NCKAP5: variants seen among roughly 807,000 people sequenced by gnomAD.
NCKAP5 encodes the protein nck-associated protein 5.
A neutral mutation model predicts 167.0 loss-of-function variants in NCKAP5; 92 were observed. The ratio of observed to expected loss-of-function variants is 0.55; its 90% CI spans 0.47 to 0.66. NCKAP5 has a LOEUF of 0.66. NCKAP5 is among the 30% of genes least tolerant of loss of function. The pLI, the probability that NCKAP5 is intolerant of heterozygous loss-of-function variation, is 0.00. For synonymous variants in NCKAP5, 891 were observed against 877.4 expected (o/e 1.02, Z -0.27); for missense variants, 2,378 against 2,315.0 (o/e 1.03, Z -0.56).
intron 4 of NCKAP5, among the ~76,000 whole-genome samples, chr2:133,249,401 C>T (rs140365424): frequency 6.6e-6 from 1 of 152,264 alleles, no homozygotes; most frequent in East Asian, 1.9e-4. Context: ...GTTAAATTCT[C>T]CCTGAGAACC....
chr2:132,759,160 C>G (rs529171107), intron 16 of NCKAP5, among the ~76,000 whole-genome samples: 2 of 152,060 alleles, frequency 1.3e-5, no homozygotes, highest in South Asian at 4.2e-4. Flanking sequence ...ATGAATCTAT[C>G]ATGGTACTTG....
the NCKAP5 span, among the ~76,000 whole-genome samples, chr2:133,575,094 G>A: frequency 6.6e-6 from 1 of 152,176 alleles, no homozygotes; most frequent in Non-Finnish European, 1.5e-5. Flanking sequence ...CTCAGGCAAA[G>A]CCCACTGTGG....
At chr2:133,208,389 G>A (rs2086057091) in intron 5 of NCKAP5, among the ~76,000 whole-genome samples, 1 of 152,102 alleles carries the variant, frequency 6.6e-6, no homozygotes, top group African/African-American at 2.4e-5. Context: ...TTTTGATATG[G>A]TGTGATAAAA....
intron 18 of NCKAP5, among the ~76,000 whole-genome samples, chr2:132,726,503 A>C (rs541836438): frequency 6.6e-6 from 1 of 151,774 alleles, no homozygotes; most frequent in Non-Finnish European, 1.5e-5. Flanking sequence ...CAGGAGCGCA[A>C]CTCCTATGTG....
At chr2:133,579,446 A>G in the NCKAP5 span, among the ~76,000 whole-genome samples, 1 of 152,218 alleles carries the variant, frequency 6.6e-6, no homozygotes, top group Non-Finnish European at 1.5e-5. Flanking sequence ...AGAAGAGTGA[A>G]TCACAGCAGA....
intron 1 of NCKAP5, among the ~76,000 whole-genome samples, chr2:133,561,291 T>A (rs1688138845): frequency 6.6e-6 from 1 of 152,228 alleles, no homozygotes; most frequent in Non-Finnish European, 1.5e-5. Flanking sequence ...AGGCAAAGTT[T>A]CACATTATTT....
chr2:133,330,276 G>C (rs1354416100), intron 3 of NCKAP5, among the ~76,000 whole-genome samples: 1 of 140,364 alleles, frequency 7.1e-6, no homozygotes, highest in African/African-American at 2.6e-5. Context: ...GTAGAGATGG[G>C]GTTTCACCAT....
the NCKAP5 span, among the ~76,000 whole-genome samples, chr2:133,608,634 A>C: frequency 2.0e-5 from 3 of 152,214 alleles, no homozygotes; most frequent in Admixed American, 2.0e-4. Context: ...ATAACAATCC[A>C]AACCTGACTG....
chr2:133,489,512 T>C (rs772697150), intron 3 of NCKAP5, among the ~76,000 whole-genome samples: 4 of 152,230 alleles, frequency 2.6e-5, no homozygotes, highest in African/African-American at 4.8e-5. Flanking sequence ...GGGCAATTTT[T>C]ACTTCTAACA....
chr2:132,874,315 G>A (rs1574484467), intron 9 of NCKAP5, among the ~76,000 whole-genome samples: 1 of 151,928 alleles, frequency 6.6e-6, no homozygotes, highest in African/African-American at 2.4e-5. Context: ...TCACTATGTT[G>A]GCTAGGCTGG....
intron 3 of NCKAP5, among the ~76,000 whole-genome samples, chr2:133,479,977 G>C (rs1395445347): frequency 6.7e-6 from 1 of 150,162 alleles, no homozygotes; most frequent in African/African-American, 2.5e-5. Context: ...TGTCACCCAG[G>C]CTGGAATACA....
At chr2:133,612,378 A>G in the NCKAP5 span, among the ~76,000 whole-genome samples, 133,482 of 152,230 alleles carry the variant, frequency 0.88, 59,766 homozygotes, top group Non-Finnish European at 0.99. Flanking sequence ...GAGCATCTGG[A>G]TTGAAAAGAA....
chr2:132,701,611 T>C (rs1219863385), intron 19 of NCKAP5, among the ~76,000 whole-genome samples: 1 of 152,186 alleles, frequency 6.6e-6, no homozygotes, highest in Non-Finnish European at 1.5e-5. Context: ...ATCCTATATC[T>C]AAAAGTGTTT....
chr2:133,409,902 C>T (rs367745466), intron 3 of NCKAP5, among the ~76,000 whole-genome samples: 1 of 152,262 alleles, frequency 6.6e-6, no homozygotes, highest in South Asian at 2.1e-4. Flanking sequence ...AAGGTTCTTA[C>T]ACATAATAAC....
chr2:133,256,314 C>G (rs1345525616), intron 4 of NCKAP5, among the ~76,000 whole-genome samples: 1 of 152,056 alleles, frequency 6.6e-6, no homozygotes, highest in Non-Finnish European at 1.5e-5. Context: ...ATTGAGGCAT[C>G]TAGATGAAAC....
At chr2:133,435,435 T>G (rs1690413641) in intron 3 of NCKAP5, among the ~76,000 whole-genome samples, 1 of 152,148 alleles carries the variant, frequency 6.6e-6, no homozygotes, top group Non-Finnish European at 1.5e-5. Context: ...GATAATAGGA[T>G]GACTAGGCAC....
intron 4 of NCKAP5, among the ~76,000 whole-genome samples, chr2:133,219,830 A>C (rs1278014465): frequency 2.8e-4 from 42 of 152,158 alleles, no homozygotes; most frequent in Non-Finnish European, 2.9e-4. Flanking sequence ...TCTATGATAA[A>C]ATACTCAGTA....
rs1446840140 is a variant in NCKAP5 at position 132,783,912 on chromosome 2, T to C, written c.2899A>G (p.Thr967Ala). 1 of 1,557,776 alleles carries C rather than the reference T, an allele frequency of 6.4e-7. No individual in the cohort carries two copies. The highest frequency in any genetic ancestry group is 1.2e-5 in the South Asian group (1 of 80,530). Reference sequence around the variant, plus strand: ...TTCAGCAGCGGGGATTTGAATGGGGTCCTTGCTGTTTCACTGGGGACCCTG... The same window carrying C: ...TTCAGCAGCGGGGATTTGAATGGGGCCCTTGCTGTTTCACTGGGGACCCTG... ...ETRVPSETAR[T>A]PFKSPLLKGI... is the part of the protein sequence containing the mutation. Residue 967 changes from threonine to alanine, a missense_variant, in exon 14 of 20, where the codon ACC becomes GCC. Physicochemically the swap from Thr to Ala is moderately conservative, Grantham distance 58. Coordinates refer to ENST00000409261, the MANE Select transcript of NCKAP5 (RefSeq NM_207363.3).
chr2:133,303,238 T>A, intron 3 of NCKAP5, 128 bp from the exon 4 acceptor site: 1 of 645,646 alleles, frequency 1.5e-6, no homozygotes, highest in Non-Finnish European at 2.9e-6. Context: ...GTTCTAGGAT[T>A]CTCTGCTTCT....
Sources: allele counts gnomAD v4.1 joint callset (sites outside exome capture counted in the v4.1 genomes callset), GRCh38; gene constraint gnomAD v4.1.1; transcripts MANE v1.5; gene names NCBI Gene and HGNC (gene_info 2026-07-23, HGNC 2026-07-21).